Variants in TBC1D32 observed in about 807,000 individuals in gnomAD.
TBC1D32 encodes TBC1 domain family member 32.
A neutral mutation model predicts 170.3 loss-of-function variants in TBC1D32; 151 were observed. That is an observed-to-expected ratio of 0.89 (90% CI 0.78 to 1.01). The LOEUF is 1.01. Among genes scored for constraint, TBC1D32 ranks in the 50% least tolerant of loss-of-function variants. The probability of loss-of-function intolerance (pLI) is 0.00; values close to 1 mark genes in which losing one functional copy is unlikely to be tolerated. For missense variants in TBC1D32, 1,464 were observed against 1,457.1 expected (o/e 1.00, Z -0.08); for synonymous variants, 498 against 488.0 (o/e 1.02, Z -0.27).
At chr6:121,096,452 AC>A (rs1172691261) in intron 30 of TBC1D32, among the ~76,000 whole-genome samples, 1 of 152,082 alleles carries the variant, frequency 6.6e-6, no homozygotes, top group Non-Finnish European at 1.5e-5. Context: ...CACAATTGCT[AC>A]AAAGAAAATA....
intron 22 of TBC1D32, among the ~76,000 whole-genome samples, chr6:121,198,248 A>T (rs796944960): frequency 1.8e-5 from 2 of 108,992 alleles, no homozygotes; most frequent in African/African-American, 6.3e-5. Flanking sequence ...TATATATATT[A>T]TATATATATA....
chr6:121,148,739 G>T (rs535273437), intron 24 of TBC1D32, among the ~76,000 whole-genome samples: 1 of 151,904 alleles, frequency 6.6e-6, no homozygotes, highest in Non-Finnish European at 1.5e-5. Context: ...TCAGCCTCCC[G>T]GGTAGCTGGG....
intron 22 of TBC1D32, chr6:121,170,511 A>G (rs778750666): frequency 1.1e-5 from 18 of 1,589,004 alleles, no homozygotes. Context: ...AGATCACAGC[A>G]TATCACACTT....
At chr6:121,123,964 CA>C (rs1256435805) in intron 26 of TBC1D32, among the ~76,000 whole-genome samples, 2 of 151,194 alleles carry the variant, frequency 1.3e-5, no homozygotes, top group East Asian at 1.9e-4. Context: ...CAAAAACAAA[CA>C]AAAAAAACTA....
chr6:121,232,773 T>G lies in TBC1D32; in HGVS notation c.2364+6297A>C, dbSNP rs376096127. On this transcript the variant is annotated intron_variant, in intron 20 of 31. Coordinates refer to ENST00000398212, the MANE Select transcript of TBC1D32 (RefSeq NM_152730.6). ...TTTTCCTGCTGGGTTTGGTTTTGGA[T>G]TATTCTTGTTTCTCTAGTTCCATGA... 4.6e-5 allele frequency among the ~76,000 whole-genome samples: 7 copies of G among 152,070 alleles called. No individual in the cohort carries two copies. The East Asian group carries it at 1.3e-3, about 29-fold the overall frequency.
At chr6:121,097,451 A>G (rs1777552125) in intron 30 of TBC1D32, among the ~76,000 whole-genome samples, 1 of 152,240 alleles carries the variant, frequency 6.6e-6, no homozygotes, top group Admixed American at 6.5e-5. Flanking sequence ...AAAGTTCATT[A>G]TCACTGGTCA....
At position 121,160,042 on chromosome 6, in the gene TBC1D32, G is replaced by A. The variant is rs753677265; in HGVS notation, c.2741C>T (p.Ser914Leu). ...TATACCAGCATTTCTTGTAATGTCT[G>A]ACAGATAGCAGTTTGGCAATGGATA... ...SSYPLPNCYLSDITRNAGIKQ... is the reference protein window; with the variant it reads ...SSYPLPNCYLLDITRNAGIKQ... Residue 914 changes from serine (S) to leucine (L), a missense_variant, in exon 24 of 32, where the codon TCA becomes TTA. Physicochemically the swap from Ser to Leu is moderately radical, Grantham distance 145. Around this residue, in one of 3 missense-constraint regions of TBC1D32, gnomAD observed 1,363 missense variants for 1,338.1 expected, o/e 1.02. Coordinates refer to ENST00000398212, the MANE Select transcript of TBC1D32 (RefSeq NM_152730.6). The A allele has an allele frequency of 6.2e-6, 10 of 1,607,836 alleles. No individual in the cohort carries two copies. The South Asian group carries it at 9.9e-5, about 16-fold the overall frequency.
At chr6:121,085,280 T>TATATATACACATATATACAC (rs1776102140) in intron 31 of TBC1D32, among the ~76,000 whole-genome samples, 1 of 131,184 alleles carries the variant, frequency 7.6e-6, no homozygotes, top group African/African-American at 3.6e-5. Flanking sequence ...TATATACGTA[T>TATATATACACATATATACAC]ATATATACAT....
chr6:121,264,997 C>T (rs117469539), intron 15 of TBC1D32, among the ~76,000 whole-genome samples: 3,675 of 152,190 alleles, frequency 0.024, 70 homozygotes, highest in Non-Finnish European at 0.033. Flanking sequence ...CCTTTCAAAA[C>T]CAGCAAAAGA....
At chr6:121,162,664 C>G (rs892745320) in intron 22 of TBC1D32, among the ~76,000 whole-genome samples, 1 of 152,066 alleles carries the variant, frequency 6.6e-6, no homozygotes, top group Non-Finnish European at 1.5e-5. Flanking sequence ...CATCTCAGCC[C>G]AAAAGCTTCT....
chr6:121,205,952 C>T (rs1401556500), intron 21 of TBC1D32, among the ~76,000 whole-genome samples: 1 of 152,110 alleles, frequency 6.6e-6, no homozygotes, highest in Non-Finnish European at 1.5e-5. Context: ...TCGCTCATGC[C>T]TGTAATCCCA....
At chr6:121,185,943 T>A (rs1329146636) in intron 22 of TBC1D32, among the ~76,000 whole-genome samples, 1 of 152,046 alleles carries the variant, frequency 6.6e-6, no homozygotes, top group Non-Finnish European at 1.5e-5. Context: ...AAAACTGAGG[T>A]GCTGTCCCAC....
rs146313547 is a variant in TBC1D32, at chr6:121,315,499, G to A, written c.495+1996C>T. 5.8e-3 allele frequency among the ~76,000 whole-genome samples: 878 copies of A among 151,834 alleles called. 8 individuals carry two copies. Among genetic ancestry groups the A allele is most frequent in the African/African-American group, 0.02 (830 of 41,404 alleles). Reference sequence around the variant, plus strand: ...AACAGTCTCCTGTTTTTCAATAATGGGTCAAAAGTCCAAATACAATCAGGC... The same window carrying A: ...AACAGTCTCCTGTTTTTCAATAATGAGTCAAAAGTCCAAATACAATCAGGC... On this transcript the variant is annotated intron_variant, in intron 3 of 31. Coordinates refer to ENST00000398212, the MANE Select transcript of TBC1D32 (RefSeq NM_152730.6).
chr6:121,213,528 T>A (rs867142636), intron 21 of TBC1D32, among the ~76,000 whole-genome samples: 11 of 75,438 alleles, frequency 1.5e-4, no homozygotes, highest in African/African-American at 6.5e-4. Context: ...ATAAAATAAA[T>A]AAAATAAAAT....
At chr6:121,322,247 T>G (rs1250467363) in intron 1 of TBC1D32, among the ~76,000 whole-genome samples, 1 of 152,168 alleles carries the variant, frequency 6.6e-6, no homozygotes, top group African/African-American at 2.4e-5. Flanking sequence ...TTGAAAGTAG[T>G]AACTGATGTA....
At chr6:121,330,498 G>A (rs1811072796) in intron 1 of TBC1D32, among the ~76,000 whole-genome samples, 1 of 152,108 alleles carries the variant, frequency 6.6e-6, no homozygotes, top group Non-Finnish European at 1.5e-5. Context: ...CTATAACGAT[G>A]ACCCTCTGCA....
intron 3 of TBC1D32, among the ~76,000 whole-genome samples, chr6:121,312,752 A>G (rs1009720652): frequency 2.6e-5 from 4 of 152,240 alleles, no homozygotes; most frequent in African/African-American, 9.6e-5. Context: ...TGTCAAGGAT[A>G]GTTTTCTTTA....
At chr6:121,192,019 A>G (rs560457291) in intron 22 of TBC1D32, among the ~76,000 whole-genome samples, 1 of 147,706 alleles carries the variant, frequency 6.8e-6, no homozygotes, top group African/African-American at 2.5e-5. Flanking sequence ...CAGACAGCCT[A>G]TTGTGGGACT....
At chr6:121,169,861 A>G (rs1438760088) in intron 22 of TBC1D32, among the ~76,000 whole-genome samples, 1 of 152,132 alleles carries the variant, frequency 6.6e-6, no homozygotes, top group African/African-American at 2.4e-5. Context: ...AAATTGAGGT[A>G]ATGGCAAGTG....
Sources: gnomAD v4.1 joint callset for allele counts (sites outside exome capture counted in the v4.1 genomes callset) on GRCh38, gnomAD v4.1.1 for gene constraint, gnomAD v4.1.1 regional missense constraint, MANE v1.5 for transcripts, NCBI Gene and HGNC (gene_info 2026-07-23, HGNC 2026-07-21) for gene names.